Variants in CPXM2 observed in about 807,000 individuals in gnomAD.
The protein encoded by CPXM2 is carboxypeptidase X, M14 family member 2.
Under a neutral mutation model 86.1 loss-of-function variants are expected in CPXM2, and 66 were observed. That is an observed-to-expected ratio of 0.77 (90% CI 0.63 to 0.94). The LOEUF (loss-of-function observed/expected upper bound fraction) is 0.94. Ranked by LOEUF, CPXM2 falls within the 40% of genes least tolerant of loss-of-function variation. The pLI, the probability that CPXM2 is intolerant of heterozygous loss-of-function variation, is 0.00. For synonymous variants in CPXM2, 388 were observed against 400.2 expected (o/e 0.97, Z 0.36); for missense variants, 948 against 1,026.3 (o/e 0.92, Z 1.04).
chr10:123,881,230 T>TCCCCCCCCCCCCCCCCCCCCCCCCCCC (rs1564811045), intron 1 of CPXM2, among the ~76,000 whole-genome samples: 1 of 66,896 alleles, frequency 1.5e-5, no homozygotes, highest in African/African-American at 9.8e-5. Context: ...GGAGCACCCT[T>TCCCCCCCCCCCCCCCCCCCCCCCCCCC]CTCTTCCCTT....
chr10:123,793,462 CAAAAAAAA>C (rs34757620), intron 6 of CPXM2, among the ~76,000 whole-genome samples: 7 of 59,260 alleles, frequency 1.2e-4, no homozygotes, highest in African/African-American at 2.3e-4. Context: ...GACTCCGTCT[CAAAAAAAA>C]AAAAAAAAAA....
intron 10 of CPXM2, among the ~76,000 whole-genome samples, chr10:123,764,599 A>G (rs1323553741): frequency 1.3e-5 from 2 of 151,822 alleles, no homozygotes; most frequent in African/African-American, 4.8e-5. Flanking sequence ...CGATCCTCCT[A>G]CCTCAGCCTC....
intron 4 of CPXM2, among the ~76,000 whole-genome samples, chr10:123,814,515 C>A (rs894877313): frequency 3.3e-5 from 5 of 152,132 alleles, no homozygotes; most frequent in Admixed American, 6.6e-5. Context: ...ATCTCTCTAT[C>A]CTATTAGTTC....
At chr10:123,767,619 C>T (rs1206889584) in intron 9 of CPXM2, among the ~76,000 whole-genome samples, 4 of 152,182 alleles carry the variant, frequency 2.6e-5, no homozygotes, top group African/African-American at 9.7e-5. Flanking sequence ...GTAAAGCTTG[C>T]ATTTGATAGG....
intron 4 of CPXM2, among the ~76,000 whole-genome samples, chr10:123,839,194 A>G: frequency 6.6e-6 from 1 of 152,162 alleles, no homozygotes; most frequent in Non-Finnish European, 1.5e-5. Context: ...GATCGAGAGT[A>G]GTTATCCCAT....
intron 13 of CPXM2, chr10:123,750,735 T>C (rs1178593367): frequency 4.1e-6 from 4 of 985,316 alleles, no homozygotes; most frequent in Non-Finnish European, 3.6e-6. Flanking sequence ...CGATCAGGAC[T>C]GTGTGTGGGT....
At chr10:123,855,611 G>A (rs1240847778) in intron 3 of CPXM2, among the ~76,000 whole-genome samples, 2 of 152,170 alleles carry the variant, frequency 1.3e-5, no homozygotes, top group Admixed American at 1.3e-4. Context: ...CGTACAGGAC[G>A]TGCCCTGGAA....
chr10:123,900,103 G>A (rs996615902), intron 2 of CPXM2, among the ~76,000 whole-genome samples: 9 of 152,162 alleles, frequency 5.9e-5, no homozygotes, highest in Non-Finnish European at 8.8e-5. Context: ...GTGTAGTGAC[G>A]TGATCTTGGC....
Position 123,771,002 on chromosome 10 carries a change from G to A in CPXM2, c.1016C>T (p.Thr339Ile). The change falls in exon 8 of 14, where the codon ACC becomes ATC. Residue 339 changes from threonine to isoleucine, a missense_variant. By Grantham distance (89) the Thr-to-Ile change is moderately conservative. Transcript: ENST00000241305. ...GCTTTTTCCAATGTTGTAAATTCTGGTGATATTGGGACACATTTCATTCAC... is the reference window on the plus strand; with the variant it reads ...GCTTTTTCCAATGTTGTAAATTCTGATGATATTGGGACACATTTCATTCAC... ...KVVNEMCPNITRIYNIGKSHQ... is the reference protein window; with the variant it reads ...KVVNEMCPNIIRIYNIGKSHQ... 2 of 1,612,910 alleles carry A rather than the reference G, an allele frequency of 1.2e-6. No individual in the cohort carries two copies. Among genetic ancestry groups the A allele is most frequent in the Non-Finnish European group, 1.7e-6 (2 of 1,178,902 alleles).
At chr10:123,894,596 G>T (rs141933218), upstream of CPXM2, among the ~76,000 whole-genome samples, 1 of 152,128 alleles carries the variant, frequency 6.6e-6, no homozygotes, top group African/African-American at 2.4e-5. Flanking sequence ...AAGATAGGGC[G>T]GCAAAGCTGA....
At chr10:123,911,110 T>C (rs1468519071) in intron 2 of CPXM2, among the ~76,000 whole-genome samples, 1 of 152,194 alleles carries the variant, frequency 6.6e-6, no homozygotes. Flanking sequence ...CCTATTTCCA[T>C]ATAAGGTCAC....
intron 3 of CPXM2, among the ~76,000 whole-genome samples, chr10:123,843,495 G>A (rs375217430): frequency 7.0e-6 from 1 of 143,294 alleles, no homozygotes; most frequent in African/African-American, 2.6e-5. Flanking sequence ...GTGCAGTGGC[G>A]CCATCTCAGC....
chr10:123,776,970 C>T (rs901600029), intron 7 of CPXM2: 3 of 152,172 alleles, frequency 2.0e-5, no homozygotes, highest in Non-Finnish European at 4.4e-5. Flanking sequence ...CTTCTGCCAT[C>T]GTTCCTCATT....
Position 123,927,420 on chromosome 10 carries a change from A to C in CPXM2, n.174+12057T>G, listed in dbSNP as rs1471272281. ...ACAATCAGAGAGTAAAAACGTACAT[A>C]GGCTTATCTCATGCCAGGCACTATC... On this transcript the variant is annotated intron_variant and non_coding_transcript_variant, in intron 2 of 19. Transcript: ENST00000368854. Among the ~76,000 whole-genome samples, 3 of 152,248 alleles carry C rather than the reference A, an allele frequency of 2.0e-5. 1 individual carries two copies. The highest frequency in any genetic ancestry group is 7.2e-5 in the African/African-American group (3 of 41,468).
chr10:123,851,684 G>A (rs927229776), intron 3 of CPXM2, among the ~76,000 whole-genome samples: 7 of 151,106 alleles, frequency 4.6e-5, no homozygotes, highest in African/African-American at 1.2e-4. Flanking sequence ...CAGGGGAATC[G>A]CTTGAACCCG....
chr10:123,870,145 G>A (rs1265716942), intron 2 of CPXM2, among the ~76,000 whole-genome samples: 2 of 152,130 alleles, frequency 1.3e-5, no homozygotes, highest in Admixed American at 6.5e-5. Flanking sequence ...GGGCATCGTC[G>A]CTCATCATCG....
chr10:123,771,603 T>C (rs1846633226), intron 7 of CPXM2, among the ~76,000 whole-genome samples: 1 of 152,216 alleles, frequency 6.6e-6, no homozygotes, highest in South Asian at 2.1e-4. Flanking sequence ...ATTTCTGTTA[T>C]TTATAAGCTA....
At chr10:123,819,451 A>T (rs1847881366) in intron 4 of CPXM2, among the ~76,000 whole-genome samples, 2 of 152,246 alleles carry the variant, frequency 1.3e-5, no homozygotes, top group African/African-American at 4.8e-5. Context: ...ACCATCTACG[A>T]CCATGTGACC....
At chr10:123,750,308 C>A in intron 13 of CPXM2, 1 of 985,060 alleles carries the variant, frequency 1.0e-6, no homozygotes, top group Non-Finnish European at 1.2e-6. Context: ...CAAAACCCAA[C>A]GCAGGTCCTG....
Sources: gnomAD v4.1 joint callset for allele counts (sites outside exome capture counted in the v4.1 genomes callset) on GRCh38, gnomAD v4.1.1 for gene constraint, MANE v1.5 for transcripts, NCBI Gene and HGNC (gene_info 2026-07-23, HGNC 2026-07-21) for gene names.